QSER1: variants seen among roughly 807,000 people sequenced by gnomAD.
QSER1 encodes glutamine and serine rich 1, also known as glutamine and serine-rich protein 1.
A neutral mutation model predicts 158.5 loss-of-function variants in QSER1; 49 were observed. The observed-to-expected ratio is 0.31, with a 90% confidence interval of 0.25 to 0.39. The LOEUF (loss-of-function observed/expected upper bound fraction) is 0.39. QSER1 is among the 10% of genes least tolerant of loss of function. The probability of loss-of-function intolerance (pLI) is 1.00; values close to 1 mark genes in which losing one functional copy is unlikely to be tolerated. For missense variants in QSER1, 1,754 were observed against 2,010.3 expected, an observed-to-expected ratio of 0.87 and a Z score of 2.44; for synonymous variants, 650 against 715.5, an observed-to-expected ratio of 0.91 and a Z score of 1.46.
intron 8 of QSER1, among the ~76,000 whole-genome samples, chr11:32,965,552 A>T (rs1852725353): frequency 6.6e-6 from 1 of 152,162 alleles, no homozygotes. Flanking sequence ...AACCATCAAG[A>T]CTACAGTAGC....
rs763452888 is a variant in QSER1 at position 32,976,382 on chromosome 11, G to T, written c.5503G>T (p.Val1835Phe). The T allele has an allele frequency of 6.2e-7, 1 of 1,606,984 alleles. No homozygotes were observed. The highest frequency in any genetic ancestry group is 8.5e-7 in the Non-Finnish European group (1 of 1,177,992). ...TGAAGATTTAGGACAGGAGGAAATT[G>T]TTCAACTTTGTATGAAAAATGTAAA... ...KNEDLGQEEIVQLCMKNVKWV... is the reference protein window; with the variant it reads ...KNEDLGQEEIFQLCMKNVKWV... Residue 1835 changes from valine to phenylalanine, a missense_variant, in exon 13 of 13, where the codon GTT becomes TTT. This residue lies in a region of QSER1 where 47 missense variants were observed against 90.7 expected (regional missense o/e 0.52). Coordinates refer to ENST00000650167, the MANE Select transcript of QSER1 (RefSeq NM_001076786.3).
At chr11:32,969,918 C>G (rs1164417367) in intron 10 of QSER1, among the ~76,000 whole-genome samples, 1 of 152,164 alleles carries the variant, frequency 6.6e-6, no homozygotes, top group African/African-American at 2.4e-5. Context: ...CTCCTGACCT[C>G]AGATGATCCG....
At chr11:32,974,588 A>G (rs990614984) in intron 11 of QSER1, among the ~76,000 whole-genome samples, 1 of 152,234 alleles carries the variant, frequency 6.6e-6, no homozygotes, top group Non-Finnish European at 1.5e-5. Context: ...CGTGCTTTTT[A>G]TAAAGAAGAG....
rs1244276066 is a variant in QSER1 at position 32,893,972 on chromosome 11, A to G, written c.209+638A>G. 6.6e-6 allele frequency among the ~76,000 whole-genome samples: 1 copy of G among 152,148 alleles called. No individual in the cohort carries two copies. The highest frequency in any genetic ancestry group is 1.9e-4 in the East Asian group (1 of 5,174). On this transcript the variant is annotated intron_variant, in intron 1 of 12. Coordinates refer to ENST00000650167, the MANE Select transcript of QSER1 (RefSeq NM_001076786.3). This position sits in a 1 kb window ranked among gnomAD's most constrained non-coding sequence, Gnocchi z 4.7. ...TAGGCGATTTTTCTTCCACGCGTTCAAAGTTGCTCTTAGGTTTCCTCCCCT... is the reference window on the plus strand; with the variant it reads ...TAGGCGATTTTTCTTCCACGCGTTCGAAGTTGCTCTTAGGTTTCCTCCCCT...
At chr11:32,954,682 T>G (rs528629876) in intron 5 of QSER1, among the ~76,000 whole-genome samples, 1 of 152,292 alleles carries the variant, frequency 6.6e-6, no homozygotes, top group South Asian at 2.1e-4. Context: ...CTTTTTTGCC[T>G]TTTTATGTAT....
intron 12 of QSER1, 115 bp downstream of exon 12, chr11:32,975,458 T>C (rs1022034099): frequency 1.3e-6 from 2 of 1,531,654 alleles, no homozygotes. Flanking sequence ...TGTATGTATT[T>C]TGTCTATGTA....
chr11:32,967,898 T>C (rs957867574), intron 9 of QSER1, among the ~76,000 whole-genome samples: 1 of 152,208 alleles, frequency 6.6e-6, no homozygotes, highest in African/African-American at 2.4e-5. Context: ...ATTTATTTTG[T>C]AAACTAAAGT....
At chr11:32,944,136 A>G (rs1462154357) in intron 4 of QSER1, among the ~76,000 whole-genome samples, 9 of 151,764 alleles carry the variant, frequency 5.9e-5, no homozygotes, top group Non-Finnish European at 1.3e-4. Context: ...CTTTTTCTTA[A>G]TTAGTCTTGG....
At chr11:32,955,668 C>G (rs1159859720) in intron 6 of QSER1, among the ~76,000 whole-genome samples, 1 of 151,584 alleles carries the variant, frequency 6.6e-6, no homozygotes, top group Non-Finnish European at 1.5e-5. Flanking sequence ...TAATGTTAGC[C>G]TATGAAGAGT....
At chr11:32,920,088 T>G (rs11032060) in intron 1 of QSER1, among the ~76,000 whole-genome samples, 1 of 152,164 alleles carries the variant, frequency 6.6e-6, no homozygotes, top group Non-Finnish European at 1.5e-5. Context: ...TTCCTTTTTC[T>G]TGGAGAATGG....
Position 32,980,057 on chromosome 11 carries a change from G to C in QSER1, c.*3583G>C, listed in dbSNP as rs1853044757. On this transcript the variant is annotated 3_prime_UTR_variant, in exon 13 of 13. Coordinates refer to ENST00000650167, the MANE Select transcript of QSER1 (RefSeq NM_001076786.3). ...GCATTAACTTACATGTATAATTTTT[G>C]GCATCTGTGTTCACAAATGCATGTG... 6.6e-6 allele frequency: 1 copy of C among 152,450 alleles called. No individual in the cohort carries two copies. The highest frequency in any genetic ancestry group is 2.4e-5 in the African/African-American group (1 of 41,394). The allele number at this position is 152,450 out of a possible 1,614,324, so 9.4% of individuals were successfully genotyped here.
In QSER1 at chr11:32,964,733, T is replaced by TACACACACAC. The variant is rs1246383757; in HGVS notation, c.4970-1566_4970-1565insCACACACACA. Among the ~76,000 whole-genome samples the TACACACACAC allele has an allele frequency of 4.1e-3, 473 of 115,184 alleles. 5 individuals are homozygous for TACACACACAC. The highest frequency in any genetic ancestry group is 6.9e-3 in the Non-Finnish European group (374 of 54,274). 75.6% of individuals were successfully genotyped at this position (115,184 alleles called of 152,430 possible). ...AAAAAACACCATATATATATATATA[T>TACACACACAC]ATATATACACACACACACACACACA... On this transcript the variant is annotated intron_variant, in intron 8 of 12. Coordinates refer to ENST00000650167, the MANE Select transcript of QSER1 (RefSeq NM_001076786.3).
intron 8 of QSER1, among the ~76,000 whole-genome samples, chr11:32,962,778 T>C (rs1477510693): frequency 6.6e-6 from 1 of 152,196 alleles, no homozygotes; most frequent in East Asian, 1.9e-4. Context: ...GAACTCTAAT[T>C]TTCACTTGAA....
chr11:32,936,241 A>G (rs992646036), intron 4 of QSER1, among the ~76,000 whole-genome samples: 2 of 130,300 alleles, frequency 1.5e-5, no homozygotes, highest in Non-Finnish European at 3.1e-5. Flanking sequence ...TCCTGTGCCC[A>G]TGTGTTCTCA....
chr11:32,932,020 C>G lies in QSER1; in HGVS notation c.762C>G (p.Asn254Lys). Reference protein sequence around the residue: ...FERLGSSVLSNSIPPQSSTYR... With the variant: ...FERLGSSVLSKSIPPQSSTYR... ...GCCTGGGCAGTTCTGTATTAAGTAA[C>G]AGCATACCACCTCAGTCTTCAACAT... Residue 254 changes from asparagine (N) to lysine (K), a missense_variant, in exon 4 of 13, where the codon AAC becomes AAG. Asn to Lys is a moderately conservative substitution (Grantham distance 94, BLOSUM62 0). Transcript: ENST00000650167. The G allele has an allele frequency of 6.2e-7, 1 of 1,614,222 alleles. No homozygotes were observed. The highest frequency in any genetic ancestry group is 8.5e-7 in the Non-Finnish European group (1 of 1,180,042).
Position 32,978,821 on chromosome 11 carries a change from A to G in QSER1, c.*2347A>G, listed in dbSNP as rs960744983. ...ATGTCAACCTCAGGCCTTAGAGAAA[A>G]GTGGAAATGTTATTATGACAGCCGT... is the stretch of plus-strand genomic sequence containing the variant. On this transcript the variant is annotated 3_prime_UTR_variant, in exon 13 of 13. Transcript: ENST00000650167. 6.6e-6 allele frequency: 1 copy of G among 152,222 alleles called. No homozygotes were observed. The highest frequency in any genetic ancestry group is 2.4e-5 in the African/African-American group (1 of 41,450). 9.4% of individuals were successfully genotyped at this position (152,222 alleles called of 1,614,324 possible).
chr11:32,931,556 A>T (rs1336457433), intron 3 of QSER1, among the ~76,000 whole-genome samples, 187 bp from the exon 4 acceptor site: 1 of 152,132 alleles, frequency 6.6e-6, no homozygotes, highest in Non-Finnish European at 1.5e-5. Context: ...TTAAAAAAAA[A>T]AGAAAAGAAA....
chr11:32,978,807 A>C lies in QSER1; in HGVS notation c.*2333A>C, dbSNP rs1950627191. 6.6e-6 allele frequency: 1 copy of C among 152,236 alleles called. No homozygotes were observed. The highest frequency in any genetic ancestry group is 2.4e-5 in the African/African-American group (1 of 41,458). The allele number at this position is 152,236 out of a possible 1,614,324, so 9.4% of individuals were successfully genotyped here. A position where few individuals can be genotyped will look rare whatever the true frequency, so the allele number is the denominator to read the frequency against. ...GAGCATAGGCAAAGATGTCAACCTCAGGCCTTAGAGAAAAGTGGAAATGTT... is the reference window on the plus strand; with the variant it reads ...GAGCATAGGCAAAGATGTCAACCTCCGGCCTTAGAGAAAAGTGGAAATGTT... On this transcript the variant is annotated 3_prime_UTR_variant, in exon 13 of 13. Transcript: ENST00000650167.
At chr11:32,914,685 T>C (rs1189345855) in intron 1 of QSER1, among the ~76,000 whole-genome samples, 2 of 152,234 alleles carry the variant, frequency 1.3e-5, no homozygotes, top group Non-Finnish European at 2.9e-5. Context: ...TTATATGTTA[T>C]TAATATCTGG....
Sources: gnomAD v4.1 joint callset for allele counts (sites outside exome capture counted in the v4.1 genomes callset) on GRCh38, gnomAD v4.1.1 for gene constraint, gnomAD v4.1.1 regional missense constraint, Gnocchi (gnomAD v3.1) non-coding constraint, MANE v1.5 for transcripts, NCBI Gene and HGNC (gene_info 2026-07-23, HGNC 2026-07-21) for gene names.